ANKS1B: variants seen among roughly 807,000 people sequenced by gnomAD.
The protein encoded by ANKS1B is ankyrin repeat and sterile alpha motif domain-containing protein 1B.
In ANKS1B, 36 loss-of-function variants were observed where a neutral mutation model predicts 148.3. The ratio of observed to expected loss-of-function variants is 0.24; its 90% CI spans 0.19 to 0.32. ANKS1B has a LOEUF of 0.32. ANKS1B is among the 10% of genes least tolerant of loss of function. The pLI, the probability that ANKS1B is intolerant of heterozygous loss-of-function variation, is 1.00. For missense variants in ANKS1B, 1,157 were observed against 1,542.6 expected, an observed-to-expected ratio of 0.75 and a Z score of 4.19; for synonymous variants, 542 against 560.8, an observed-to-expected ratio of 0.97 and a Z score of 0.47.
intron 17 of ANKS1B, among the ~76,000 whole-genome samples, chr12:98,930,513 C>T (rs1264668895): frequency 6.6e-6 from 1 of 151,834 alleles, no homozygotes; most frequent in East Asian, 1.9e-4. Context: ...TAAAAATAGC[C>T]CCAAAGTCTA....
intron 12 of ANKS1B, among the ~76,000 whole-genome samples, chr12:99,331,351 C>G (rs1016842939): frequency 2.6e-5 from 4 of 152,012 alleles, no homozygotes; most frequent in Admixed American, 6.6e-5. Flanking sequence ...AATGGCATCT[C>G]TAATTATAAG....
At chr12:98,915,609 T>C (rs2099793274) in intron 17 of ANKS1B, among the ~76,000 whole-genome samples, 1 of 152,136 alleles carries the variant, frequency 6.6e-6, no homozygotes, top group Admixed American at 6.5e-5. Flanking sequence ...TGCCTTGGCC[T>C]CTCATAGTGC....
intron 17 of ANKS1B, among the ~76,000 whole-genome samples, chr12:98,923,436 T>C (rs2099804074): frequency 6.6e-6 from 1 of 152,210 alleles, no homozygotes; most frequent in Non-Finnish European, 1.5e-5. Context: ...TACCAAAAGA[T>C]AGTCTACTTG....
At chr12:99,166,694 T>G (rs1018549625) in intron 14 of ANKS1B, among the ~76,000 whole-genome samples, 34 of 152,160 alleles carry the variant, frequency 2.2e-4, no homozygotes, top group African/African-American at 8.2e-4. Context: ...CCCAAATATA[T>G]CTATACATTC....
chr12:99,416,034 T>G (rs2094896770), intron 11 of ANKS1B, among the ~76,000 whole-genome samples: 1 of 152,138 alleles, frequency 6.6e-6, no homozygotes, highest in African/African-American at 2.4e-5. Context: ...CACCTCCACC[T>G]TAACTCCTGG....
chr12:99,838,299 T>C (rs2085167539), intron 1 of ANKS1B, among the ~76,000 whole-genome samples: 1 of 152,198 alleles, frequency 6.6e-6, no homozygotes, highest in African/African-American at 2.4e-5. Context: ...AGTCGTGGGA[T>C]TCCTGGATTA....
At chr12:99,004,151 C>A (rs2099934700) in intron 17 of ANKS1B, among the ~76,000 whole-genome samples, 1 of 152,100 alleles carries the variant, frequency 6.6e-6, no homozygotes, top group Admixed American at 6.5e-5. Context: ...AGCTCTAACA[C>A]CGTGGAGCCA....
chr12:99,151,392 G>A (rs932410775), intron 15 of ANKS1B, among the ~76,000 whole-genome samples: 3 of 151,986 alleles, frequency 2.0e-5, no homozygotes, highest in Non-Finnish European at 1.5e-5. Flanking sequence ...GCCGGGTGTG[G>A]TGGTGCACAC....
At chr12:99,635,139 C>T (rs1393612945) in intron 9 of ANKS1B, among the ~76,000 whole-genome samples, 1 of 152,076 alleles carries the variant, frequency 6.6e-6, no homozygotes, top group Non-Finnish European at 1.5e-5. Flanking sequence ...AAATTGGAAT[C>T]CTTGTGTATC....
chr12:99,267,582 C>CATTCATTCATTCATTCATTT (rs1322705779), intron 12 of ANKS1B, among the ~76,000 whole-genome samples: 1 of 152,138 alleles, frequency 6.6e-6, no homozygotes, highest in Non-Finnish European at 1.5e-5. Flanking sequence ...TTCATTCATT[C>CATTCATTCATTCATTCATTT]ATTTATTCAA....
At chr12:98,883,930 A>C (rs773539293) in intron 17 of ANKS1B, among the ~76,000 whole-genome samples, 17 of 152,214 alleles carry the variant, frequency 1.1e-4, no homozygotes, top group Non-Finnish European at 2.2e-4. Flanking sequence ...TAAGCACATT[A>C]CCTCAAAATA....
chr12:99,577,956 G>C (rs1027516841), intron 9 of ANKS1B, among the ~76,000 whole-genome samples: 1 of 152,076 alleles, frequency 6.6e-6, no homozygotes, highest in Non-Finnish European at 1.5e-5. Flanking sequence ...GATGAACATA[G>C]ATGTAAAAGT....
At chr12:99,314,791 G>A (rs1056903040) in intron 12 of ANKS1B, among the ~76,000 whole-genome samples, 7 of 152,004 alleles carry the variant, frequency 4.6e-5, no homozygotes, top group East Asian at 1.9e-4. Context: ...AGACTTAAAC[G>A]TAAACCCCAA....
intron 1 of ANKS1B, among the ~76,000 whole-genome samples, chr12:99,896,237 T>C (rs761091004): frequency 5.9e-5 from 9 of 151,264 alleles, no homozygotes; most frequent in Non-Finnish European, 1.2e-4. Context: ...CATCTGCCCA[T>C]TTCTCCCACA....
At chr12:99,509,933 C>A (rs1400112543) in intron 9 of ANKS1B, among the ~76,000 whole-genome samples, 2 of 151,928 alleles carry the variant, frequency 1.3e-5, no homozygotes, top group Admixed American at 6.6e-5. Flanking sequence ...TTTACCACTC[C>A]AAAAATCCTA....
intron 15 of ANKS1B, among the ~76,000 whole-genome samples, chr12:99,129,654 T>G (rs1429913344): frequency 6.6e-6 from 1 of 152,196 alleles, no homozygotes; most frequent in Non-Finnish European, 1.5e-5. Flanking sequence ...CACCTTGCTG[T>G]CAGTCTAGAC....
intron 20 of ANKS1B, among the ~76,000 whole-genome samples, chr12:98,805,464 C>G (rs1033613795): frequency 6.6e-6 from 1 of 152,130 alleles, no homozygotes; most frequent in Admixed American, 6.5e-5. Flanking sequence ...TTCTGTGTAA[C>G]ACATGTTTGC....
At chr12:98,946,465 T>C (rs2099845692) in intron 17 of ANKS1B, among the ~76,000 whole-genome samples, 1 of 152,198 alleles carries the variant, frequency 6.6e-6, no homozygotes. Context: ...CTTTAAGCAA[T>C]GTGGATTAAA....
At chr12:99,305,914 T>G (rs1158494964) in intron 12 of ANKS1B, among the ~76,000 whole-genome samples, 1 of 152,158 alleles carries the variant, frequency 6.6e-6, no homozygotes, top group East Asian at 1.9e-4. Context: ...ACATAAATGG[T>G]AAAATGTCCT....
Sources: gnomAD v4.1 joint callset for allele counts (sites outside exome capture counted in the v4.1 genomes callset) on GRCh38, gnomAD v4.1.1 for gene constraint, MANE v1.5 for transcripts, NCBI Gene and HGNC (gene_info 2026-07-23, HGNC 2026-07-21) for gene names.